Variants in COL4A2 observed in about 807,000 individuals in gnomAD.
COL4A2 encodes the protein collagen type IV alpha 2 chain.
A neutral mutation model predicts 200.2 loss-of-function variants in COL4A2; 99 were observed. That is an observed-to-expected ratio of 0.49 (90% confidence interval 0.42 to 0.58). The LOEUF is 0.58. Among genes scored for constraint, COL4A2 ranks in the 20% least tolerant of loss-of-function variants. The pLI is 0.00. For synonymous variants in COL4A2, 897 were observed against 900.6 expected, an observed-to-expected ratio of 1.00 and a Z score of 0.07; for missense variants, 1,950 against 2,314.1, an observed-to-expected ratio of 0.84 and a Z score of 3.23.
At chr13:110,384,058 G>T (rs1321607524) in intron 4 of COL4A2, among the ~76,000 whole-genome samples, 1 of 152,204 alleles carries the variant, frequency 6.6e-6, no homozygotes, top group Non-Finnish European at 1.5e-5. Context: ...ACAGATGAAG[G>T]TTCCTACCCT....
At chr13:110,367,533 G>A (rs1260469528) in intron 4 of COL4A2, among the ~76,000 whole-genome samples, 1 of 152,222 alleles carries the variant, frequency 6.6e-6, no homozygotes, top group African/African-American at 2.4e-5. Context: ...TGCACTTAGG[G>A]TGGTGATTAT....
chr13:110,450,190 A>C (rs941819406), intron 19 of COL4A2, 115 bp from the exon 20 acceptor site: 2 of 820,274 alleles, frequency 2.4e-6, no homozygotes, highest in Admixed American at 2.2e-5. Context: ...CATCGGAGTT[A>C]TTGACGGGGC....
chr13:110,479,080 G>C (rs1882801513), intron 30 of COL4A2, among the ~76,000 whole-genome samples: 1 of 152,216 alleles, frequency 6.6e-6, no homozygotes, highest in African/African-American at 2.4e-5. Flanking sequence ...TGCCGCACTA[G>C]CCACTGGCTT....
chr13:110,395,814 G>C (rs7991535), intron 4 of COL4A2, among the ~76,000 whole-genome samples: 1 of 152,068 alleles, frequency 6.6e-6, no homozygotes, highest in East Asian at 1.9e-4. Context: ...GTTTGGTGGC[G>C]CATGCCTGTA....
Position 110,366,914 on chromosome 13 carries a change from T to G in COL4A2, c.180+9362T>G, listed in dbSNP as rs1346221606. ...CCCTCTGGCATCTCACCCAAATGAGTTCATTGTGGTGTAGACCACTGAAGC... is the reference window on the plus strand; with the variant it reads ...CCCTCTGGCATCTCACCCAAATGAGGTCATTGTGGTGTAGACCACTGAAGC... On this transcript the variant is annotated intron_variant, in intron 4 of 47. Coordinates refer to ENST00000360467, the MANE Select transcript of COL4A2 (RefSeq NM_001846.4). Among the ~76,000 whole-genome samples, 6 of 152,236 alleles carry G rather than the reference T, an allele frequency of 3.9e-5. No individual in the cohort carries two copies. The East Asian group carries it at 1.2e-3, about 29-fold the overall frequency.
intron 3 of COL4A2, among the ~76,000 whole-genome samples, chr13:110,344,529 A>G (rs1876615470): frequency 1.3e-5 from 2 of 152,220 alleles, no homozygotes; most frequent in African/African-American, 4.8e-5. Context: ...ATGTTAGTTC[A>G]TGCGTGACAT....
At chr13:110,387,602 G>A (rs1999013) in intron 4 of COL4A2, among the ~76,000 whole-genome samples, 77,142 of 152,206 alleles carry the variant, frequency 0.51, 21,479 homozygotes, top group Admixed American at 0.64. Context: ...GAACGCAGGC[G>A]GCTGCAGCCC....
At chr13:110,441,214 G>A (rs1881111462) in intron 16 of COL4A2, among the ~76,000 whole-genome samples, 1 of 152,170 alleles carries the variant, frequency 6.6e-6, no homozygotes, top group Non-Finnish European at 1.5e-5. Context: ...AGAGAGTAGT[G>A]TGGCGTCTGG....
intron 3 of COL4A2, among the ~76,000 whole-genome samples, chr13:110,327,380 C>T (rs1299259445): frequency 3.3e-5 from 5 of 152,256 alleles, no homozygotes; most frequent in Non-Finnish European, 5.9e-5. Flanking sequence ...AACTTCTCCT[C>T]GCGTCACAGA....
chr13:110,339,653 A>G (rs1379644575), intron 3 of COL4A2, among the ~76,000 whole-genome samples: 1 of 152,200 alleles, frequency 6.6e-6, no homozygotes, highest in African/African-American at 2.4e-5. Flanking sequence ...AGAATTAATC[A>G]TCTTGCTCAT....
chr13:110,434,530 T>A, intron 12 of COL4A2, 88 bp downstream of exon 12: 3 of 1,388,048 alleles, frequency 2.2e-6, no homozygotes, highest in Non-Finnish European at 3.0e-6. Context: ...TTCTGTGCTG[T>A]AAAACTTTTA....
At chr13:110,420,425 G>A (rs1880204588) in intron 4 of COL4A2, among the ~76,000 whole-genome samples, 1 of 152,142 alleles carries the variant, frequency 6.6e-6, no homozygotes, top group East Asian at 1.9e-4. Context: ...GCAGGGCGGG[G>A]GGCAGGGGAC....
Position 110,511,973 on chromosome 13 carries a change from G to A in COL4A2, c.4921G>A (p.Val1641Met), listed in dbSNP as rs1376093675. The change falls in exon 48 of 48, where the codon GTG (valine) becomes ATG (methionine). Residue 1641 changes from valine to methionine, a missense_variant. Transcript: ENST00000360467. ...AGACGAAGGCGGTGGCCAATCACTG[G>A]TGTCACCGGGCAGCTGTCTAGAGGA... The part of the protein sequence containing the change: ...AGDEGGGQSL[V>M]SPGSCLEDFR... 2 of 1,613,574 alleles carry A rather than the reference G, an allele frequency of 1.2e-6. No individual in the cohort carries two copies. The highest frequency in any genetic ancestry group is 1.7e-5 in the Admixed American group (1 of 60,036).
intron 27 of COL4A2, 59 bp downstream of exon 27, chr13:110,467,155 T>C: frequency 1.2e-6 from 2 of 1,603,290 alleles, no homozygotes; most frequent in Non-Finnish European, 1.7e-6. Flanking sequence ...TTCACACTGC[T>C]GTGTCTCCCC....
chr13:110,321,254 CAT>C (rs200453612), intron 3 of COL4A2, among the ~76,000 whole-genome samples: 1 of 148,234 alleles, frequency 6.7e-6, no homozygotes, highest in Non-Finnish European at 1.5e-5. Flanking sequence ...AGAGAGTGTA[CAT>C]ATATATATAC....
chr13:110,482,577 C>T lies in COL4A2; in HGVS notation c.2820C>T (p.Pro940=), dbSNP rs374749394. 5.9e-5 allele frequency: 96 copies of T among 1,614,144 alleles called. 1 individual carries two copies. Among genetic ancestry groups the T allele is most frequent in the South Asian group, 4.6e-4 (42 of 91,074 alleles). Residue 940 remains proline, a synonymous_variant, in exon 32 of 48, where the codon CCC becomes CCT. Coordinates refer to ENST00000360467, the MANE Select transcript of COL4A2 (RefSeq NM_001846.4). The part of the protein sequence containing the change: ...FQGMPGLKGR[P]GFPGSKGEAG... ...GCATGCCTGGACTCAAAGGGAGACC[C>T]GGGTTTCCAGGGAGCAAAGGCGAGG...
At chr13:110,436,979 C>T (rs140134455) in intron 13 of COL4A2, among the ~76,000 whole-genome samples, 78 of 152,304 alleles carry the variant, frequency 5.1e-4, no homozygotes, top group African/African-American at 1.8e-3. Context: ...ACACTGACCT[C>T]CTGGAGCTGA....
At chr13:110,347,398 C>T (rs899547833) in intron 3 of COL4A2, among the ~76,000 whole-genome samples, 3 of 152,214 alleles carry the variant, frequency 2.0e-5, no homozygotes, top group Non-Finnish European at 4.4e-5. Flanking sequence ...GTGCCATCAT[C>T]CTCCCTTTGT....
chr13:110,412,288 TGACAAATGAG>T (rs1879873299), intron 4 of COL4A2, among the ~76,000 whole-genome samples: 1 of 152,180 alleles, frequency 6.6e-6, no homozygotes, highest in Non-Finnish European at 1.5e-5. Flanking sequence ...GAGCTCCCCG[TGACAAATGAG>T]GGAGCTGCCC....
Sources: gnomAD v4.1 joint callset for allele counts (sites outside exome capture counted in the v4.1 genomes callset) on GRCh38, gnomAD v4.1.1 for gene constraint, MANE v1.5 for transcripts, NCBI Gene and HGNC (gene_info 2026-07-23, HGNC 2026-07-21) for gene names.